The following SCAI variants were observed in gnomAD, a reference collection of about 807,000 sequenced individuals.
SCAI encodes the protein suppressor of cancer cell invasion, also known as protein SCAI.
Under a neutral mutation model 92.2 loss-of-function variants are expected in SCAI, and 24 were observed. That is an observed-to-expected ratio of 0.26 (90% CI 0.19 to 0.37). SCAI has a LOEUF of 0.37. Ranked by LOEUF, SCAI falls within the 10% of genes least tolerant of loss-of-function variation. The probability of loss-of-function intolerance (pLI) is 1.00; values close to 1 mark genes in which losing one functional copy is unlikely to be tolerated. For synonymous variants in SCAI, 261 were observed against 258.6 expected (o/e 1.01, Z -0.09); for missense variants, 450 against 736.2 (o/e 0.61, Z 4.50).
chr9:124,980,254 T>C (rs963502558), intron 14 of SCAI, among the ~76,000 whole-genome samples: 11 of 152,032 alleles, frequency 7.2e-5, no homozygotes, highest in Non-Finnish European at 1.2e-4. Context: ...TGCTATTATT[T>C]ATTTCTAAAG....
chr9:125,029,288 AT>A (rs1833025093), intron 4 of SCAI, among the ~76,000 whole-genome samples: 1 of 151,738 alleles, frequency 6.6e-6, no homozygotes, highest in African/African-American at 2.4e-5. Context: ...CACCTGGCTA[AT>A]TTTTGTGTAT....
intron 3 of SCAI, among the ~76,000 whole-genome samples, chr9:125,034,556 C>CA (rs1339120618): frequency 1.3e-5 from 2 of 151,790 alleles, no homozygotes; most frequent in Non-Finnish European, 2.9e-5. Context: ...GACAACATGG[C>CA]AAAACACAGT....
chr9:125,072,053 C>T (rs1833988636), intron 2 of SCAI, among the ~76,000 whole-genome samples: 1 of 147,866 alleles, frequency 6.8e-6, no homozygotes, highest in Non-Finnish European at 1.5e-5. Flanking sequence ...CTGAGACAGT[C>T]TTGCTCTGTC....
At chr9:125,131,675 C>T (rs1209103327) in intron 2 of SCAI, among the ~76,000 whole-genome samples, 1 of 152,140 alleles carries the variant, frequency 6.6e-6, no homozygotes, top group Non-Finnish European at 1.5e-5. Flanking sequence ...GCAGAGTCTG[C>T]TTTCACAGAA....
intron 6 of SCAI, among the ~76,000 whole-genome samples, chr9:125,022,321 C>G (rs998943637): frequency 2.6e-5 from 4 of 152,158 alleles, no homozygotes; most frequent in Admixed American, 1.3e-4. Context: ...AATATACACA[C>G]AGTATACACA....
chr9:125,078,654 A>T (rs1834145332), intron 2 of SCAI, among the ~76,000 whole-genome samples: 1 of 152,050 alleles, frequency 6.6e-6, no homozygotes, highest in Admixed American at 6.6e-5. Context: ...AGTGGCTCAC[A>T]CTTATAATCC....
Position 125,017,780 on chromosome 9 carries a change from AG to A in SCAI, c.861+1018del, listed in dbSNP as rs1387766891. On this transcript the variant is annotated intron_variant, in intron 9 of 17. Transcript: ENST00000336505. ...TCCCAACACTTTGGGAGGCTGAGGC[AG>A]GAGGATCACTTGAGGTCAGGAGTTC... Among the ~76,000 whole-genome samples the A allele has an allele frequency of 5.9e-5, 9 of 152,130 alleles. No homozygotes were observed. The East Asian group carries it at 1.8e-3, about 30-fold the overall frequency.
intron 2 of SCAI, among the ~76,000 whole-genome samples, chr9:125,086,750 A>G (rs374088108): frequency 2.0e-5 from 3 of 152,206 alleles, no homozygotes; most frequent in African/African-American, 7.2e-5. Context: ...CTGGTGTCAA[A>G]CAGCCTGCAC....
chr9:124,976,337 A>G, intron 14 of SCAI, 151 bp from the exon 15 acceptor site: 1 of 615,402 alleles, frequency 1.6e-6, no homozygotes, highest in East Asian at 2.8e-5. Flanking sequence ...GGAGACTGCC[A>G]TTCATATATA....
intron 17 of SCAI, among the ~76,000 whole-genome samples, chr9:124,966,107 C>A (rs537757360): frequency 4.9e-4 from 74 of 152,226 alleles, no homozygotes; most frequent in African/African-American, 1.7e-3. Flanking sequence ...ACTTTAAGTT[C>A]TAGGGTACAT....
chr9:125,131,971 T>C (rs1418909195), intron 2 of SCAI, among the ~76,000 whole-genome samples: 1 of 152,196 alleles, frequency 6.6e-6, no homozygotes, highest in Non-Finnish European at 1.5e-5. Flanking sequence ...AGTGGACAGA[T>C]TAACACTGCA....
chr9:125,028,094 C>A (rs1029448056), intron 5 of SCAI, among the ~76,000 whole-genome samples: 6 of 152,162 alleles, frequency 3.9e-5, no homozygotes, highest in Admixed American at 2.0e-4. Flanking sequence ...AGTGAAGCTG[C>A]AAGAACAATA....
At chr9:124,983,132 GC>G (rs960289123) in intron 14 of SCAI, among the ~76,000 whole-genome samples, 1 of 149,318 alleles carries the variant, frequency 6.7e-6, no homozygotes, top group African/African-American at 2.5e-5. Flanking sequence ...ATGCACTCCA[GC>G]CTGGGTGACA....
intron 9 of SCAI, among the ~76,000 whole-genome samples, chr9:125,004,059 C>T (rs188953494): frequency 6.6e-6 from 1 of 152,102 alleles, no homozygotes; most frequent in Admixed American, 6.6e-5. Context: ...GCCTGTAATC[C>T]CAGCTACATA....
At chr9:125,088,307 C>T (rs959714834) in intron 2 of SCAI, among the ~76,000 whole-genome samples, 9 of 152,060 alleles carry the variant, frequency 5.9e-5, no homozygotes, top group Non-Finnish European at 1.2e-4. Context: ...AATTGTAATC[C>T]CCAATGTTGG....
At chr9:124,990,698 G>A (rs1223816800) in intron 14 of SCAI, among the ~76,000 whole-genome samples, 1 of 151,930 alleles carries the variant, frequency 6.6e-6, no homozygotes, top group African/African-American at 2.4e-5. Context: ...GGTTAGGGGA[G>A]AGAAGGAAGG....
At chr9:125,046,196 G>GAGATATATATATATAT (rs371482525) in intron 3 of SCAI, among the ~76,000 whole-genome samples, 14 of 51,880 alleles carry the variant, frequency 2.7e-4, no homozygotes, top group South Asian at 9.7e-4. Context: ...GAAATTGTGA[G>GAGATATATATATATAT]ATATATATAT....
intron 9 of SCAI, among the ~76,000 whole-genome samples, chr9:125,011,041 A>G (rs958520744): frequency 1.3e-5 from 2 of 152,304 alleles, no homozygotes; most frequent in South Asian, 2.1e-4. Flanking sequence ...GTACATCCCC[A>G]TCATCAAAGA....
intron 2 of SCAI, among the ~76,000 whole-genome samples, chr9:125,109,469 A>T (rs79328473): frequency 0.024 from 3,677 of 152,204 alleles, 150 homozygotes; most frequent in African/African-American, 0.084. Context: ...AAACAATTTT[A>T]AAAAAATGAG....
Sources: gnomAD v4.1 joint callset for allele counts (sites outside exome capture counted in the v4.1 genomes callset) on GRCh38, gnomAD v4.1.1 for gene constraint, MANE v1.5 for transcripts, NCBI Gene and HGNC (gene_info 2026-07-23, HGNC 2026-07-21) for gene names.